CSMD3: variants seen among roughly 807,000 people sequenced by gnomAD.
The protein encoded by CSMD3 is CUB and Sushi multiple domains 3.
In CSMD3, 177 loss-of-function variants were observed where a neutral mutation model predicts 435.2. The ratio of observed to expected loss-of-function variants is 0.41; its 90% CI spans 0.36 to 0.46. CSMD3 has a LOEUF of 0.46. Ranked by LOEUF, CSMD3 falls within the 20% of genes least tolerant of loss-of-function variation. The pLI is 0.34. For synonymous variants in CSMD3, 1,656 were observed against 1,520.5 expected, an observed-to-expected ratio of 1.09 and a Z score of -2.07; for missense variants, 4,265 against 4,504.6, an observed-to-expected ratio of 0.95 and a Z score of 1.52.
intron 1 of CSMD3, among the ~76,000 whole-genome samples, chr8:113,424,221 A>G (rs1243017030): frequency 6.6e-6 from 1 of 151,728 alleles, no homozygotes; most frequent in Non-Finnish European, 1.5e-5. Context: ...CTTTGTAAGG[A>G]TAGATCATTC....
At chr8:113,220,716 T>C (rs1399852662) in intron 3 of CSMD3, among the ~76,000 whole-genome samples, 1 of 151,358 alleles carries the variant, frequency 6.6e-6, no homozygotes, top group Non-Finnish European at 1.5e-5. Flanking sequence ...CAGTGAGATA[T>C]TTGCATGGCC....
At chr8:112,253,567 T>C (rs1815480336) in intron 63 of CSMD3, among the ~76,000 whole-genome samples, 1 of 152,018 alleles carries the variant, frequency 6.6e-6, no homozygotes, top group African/African-American at 2.4e-5. Context: ...GGGTAATGTG[T>C]AAATTGGCTA....
At chr8:112,481,744 C>A (rs889332549) in intron 31 of CSMD3, among the ~76,000 whole-genome samples, 4 of 152,092 alleles carry the variant, frequency 2.6e-5, no homozygotes, top group Non-Finnish European at 5.9e-5. Flanking sequence ...CCCTTAAAGT[C>A]TGTGATATGA....
intron 54 of CSMD3, among the ~76,000 whole-genome samples, chr8:112,295,098 A>T (rs1820137756): frequency 6.6e-6 from 1 of 152,140 alleles, no homozygotes; most frequent in Admixed American, 6.6e-5. Context: ...TATCATTCAT[A>T]TGCCTTCGCA....
intron 5 of CSMD3, among the ~76,000 whole-genome samples, chr8:113,067,538 T>C (rs1467240479): frequency 6.6e-6 from 1 of 152,090 alleles, no homozygotes; most frequent in Non-Finnish European, 1.5e-5. Context: ...AATTTTGCCA[T>C]TGAACACAAT....
intron 1 of CSMD3, among the ~76,000 whole-genome samples, chr8:113,316,602 T>C (rs978656815): frequency 6.6e-6 from 1 of 151,732 alleles, no homozygotes; most frequent in African/African-American, 2.4e-5. Flanking sequence ...CAGGCTATAG[T>C]GTAGTGGCGT....
At chr8:112,292,801 T>C (rs1819900609) in intron 54 of CSMD3, 91 bp from the exon 55 acceptor site, 1 of 1,150,414 alleles carries the variant, frequency 8.7e-7, no homozygotes, top group African/African-American at 1.5e-5. Flanking sequence ...ACTTAATCAT[T>C]TCAAACAAAG....
At chr8:113,391,355 A>T (rs771632331) in intron 1 of CSMD3, among the ~76,000 whole-genome samples, 2 of 151,982 alleles carry the variant, frequency 1.3e-5, no homozygotes, top group Non-Finnish European at 2.9e-5. Flanking sequence ...AAGCAAATCA[A>T]ATATGTGTAG....
intron 22 of CSMD3, among the ~76,000 whole-genome samples, chr8:112,600,714 C>G (rs920883618): frequency 1.3e-4 from 20 of 151,444 alleles, no homozygotes; most frequent in Non-Finnish European, 1.9e-4. Flanking sequence ...GAGACGGAGT[C>G]TCCCTCTGTC....
intron 27 of CSMD3, among the ~76,000 whole-genome samples, chr8:112,549,544 T>C (rs936169436): frequency 6.6e-6 from 1 of 152,062 alleles, no homozygotes; most frequent in African/African-American, 2.4e-5. Context: ...AACTGTATAA[T>C]TGTTTACTTA....
At chr8:113,020,023 C>T (rs1422787990) in intron 5 of CSMD3, among the ~76,000 whole-genome samples, 1 of 150,202 alleles carries the variant, frequency 6.7e-6, no homozygotes, top group South Asian at 2.1e-4. Flanking sequence ...ATTAGCCGGG[C>T]GCGGTGGCGG....
chr8:112,272,804 C>T (rs189103327), intron 59 of CSMD3, among the ~76,000 whole-genome samples: 1 of 152,274 alleles, frequency 6.6e-6, no homozygotes, highest in Admixed American at 6.5e-5. Context: ...ATGCTAGATT[C>T]TTTAATTACA....
chr8:113,250,746 A>G (rs981178668), intron 3 of CSMD3, among the ~76,000 whole-genome samples: 35 of 152,132 alleles, frequency 2.3e-4, no homozygotes, highest in African/African-American at 8.0e-4. Flanking sequence ...GGAACATAAT[A>G]GTGTTAAAAT....
Position 113,333,621 on chromosome 8 carries a change from T to A in CSMD3, c.179-18828A>T, listed in dbSNP as rs2094045568. Among the ~76,000 whole-genome samples, 3 of 151,894 alleles carry A rather than the reference T, an allele frequency of 2.0e-5. No individual in the cohort carries two copies. In the South Asian group the frequency reaches 6.2e-4, roughly 31 times the overall value. On this transcript the variant is annotated intron_variant, in intron 1 of 70. Transcript: ENST00000297405. ...TCTATCTTTGAGGTTCTCTATTGTG[T>A]TCCAATGATCTATGTTTCTACCTCT...
chr8:112,823,118 G>T (rs2079574663), intron 12 of CSMD3, among the ~76,000 whole-genome samples: 1 of 152,148 alleles, frequency 6.6e-6, no homozygotes, highest in African/African-American at 2.4e-5. Context: ...GTCTTTGCCA[G>T]GTTTTGGTAT....
rs528743564 is a variant in CSMD3, at chr8:112,768,624, G to A, written c.1972+31538C>T. 1.4e-4 allele frequency among the ~76,000 whole-genome samples: 21 copies of A among 152,010 alleles called. No homozygotes were observed. In the South Asian group the frequency reaches 2.7e-3, roughly 20 times the overall value. ...CATTGTCTCCTGGTGGACTGCTCAC[G>A]TACAGCTTGTAGAACAGTACTTTGA... On this transcript the variant is annotated intron_variant, in intron 13 of 70. Coordinates refer to ENST00000297405, the MANE Select transcript of CSMD3 (RefSeq NM_198123.2).
chr8:113,034,253 T>C (rs768753593), intron 5 of CSMD3, among the ~76,000 whole-genome samples: 2 of 151,554 alleles, frequency 1.3e-5, no homozygotes, highest in Non-Finnish European at 2.9e-5. Context: ...TATTCATAAA[T>C]TTACAGCAAA....
At chr8:113,012,479 G>A (rs2086291170) in intron 6 of CSMD3, among the ~76,000 whole-genome samples, 1 of 151,878 alleles carries the variant, frequency 6.6e-6, no homozygotes, top group Admixed American at 6.6e-5. Context: ...CTGTAATCCC[G>A]ATATGTTAAG....
chr8:113,043,120 TG>T (rs2087690838), intron 5 of CSMD3, among the ~76,000 whole-genome samples: 2 of 152,218 alleles, frequency 1.3e-5, no homozygotes, highest in Admixed American at 6.5e-5. Flanking sequence ...CTTGTTAAGT[TG>T]TCACACGAAT....
Sources: gnomAD v4.1 joint callset for allele counts (sites outside exome capture counted in the v4.1 genomes callset) on GRCh38, gnomAD v4.1.1 for gene constraint, MANE v1.5 for transcripts, NCBI Gene and HGNC (gene_info 2026-07-23, HGNC 2026-07-21) for gene names.